Variants in KLHDC8A observed in about 807,000 individuals in gnomAD.
KLHDC8A encodes kelch domain-containing protein 8A.
A neutral mutation model predicts 33.1 loss-of-function variants in KLHDC8A; 21 were observed. The observed-to-expected ratio is 0.64, with a 90% CI of 0.45 to 0.91. The LOEUF is 0.91. Among genes scored for constraint, KLHDC8A ranks in the 40% least tolerant of loss-of-function variants. The pLI, the probability that KLHDC8A is intolerant of heterozygous loss-of-function variation, is 0.00. For synonymous variants in KLHDC8A, 173 were observed against 193.5 expected, an observed-to-expected ratio of 0.89 and a Z score of 0.88; for missense variants, 435 against 483.3, an observed-to-expected ratio of 0.90 and a Z score of 0.94.
At position 205,339,889 on chromosome 1, in the gene KLHDC8A, T is replaced by C; in HGVS notation, c.377-81A>G. ...GCCCACCAGCATCTATTGCCTCCCA[T>C]GGCCAGGCCAAGCTTTCAACCACTG... On this transcript the variant is annotated intron_variant, in intron 2 of 5. Coordinates refer to ENST00000367155, the MANE Select transcript of KLHDC8A (RefSeq NM_018203.3). This position sits in a 1 kb window ranked among gnomAD's most constrained non-coding sequence, Gnocchi z 5.1. 1.5e-6 allele frequency: 2 copies of C among 1,364,996 alleles called. No individual in the cohort carries two copies. The highest frequency in any genetic ancestry group is 2.0e-6 in the Non-Finnish European group (2 of 989,982). The allele number at this position is 1,364,996 out of a possible 1,614,324, so 84.6% of individuals were successfully genotyped here.
At chr1:205,352,846 G>A (rs991515458) in intron 1 of KLHDC8A, among the ~76,000 whole-genome samples, 7 of 152,188 alleles carry the variant, frequency 4.6e-5, no homozygotes, top group African/African-American at 1.4e-4. Flanking sequence ...GTAGCCTGTC[G>A]CCAGGAGAAT....
chr1:205,352,963 C>G (rs7516786), intron 1 of KLHDC8A, among the ~76,000 whole-genome samples: 4 of 152,206 alleles, frequency 2.6e-5, no homozygotes, highest in East Asian at 1.9e-4. Flanking sequence ...AGCTGCCCCC[C>G]ACGAGGAACC....
Position 205,349,497 on chromosome 1 carries a change from A to G in KLHDC8A, c.-189-5704T>C, listed in dbSNP as rs541895295. Among the ~76,000 whole-genome samples, 23 of 152,278 alleles carry G rather than the reference A, an allele frequency of 1.5e-4. No homozygotes were observed. The South Asian group carries it at 4.8e-3, about 32-fold the overall frequency. On this transcript the variant is annotated intron_variant, in intron 1 of 5. Coordinates refer to ENST00000367155, the MANE Select transcript of KLHDC8A (RefSeq NM_018203.3). ...TATGGGATGATGGGTAAAGGGAGGG[A>G]GTCATCTTCGTTTTCAGACTCAGGA...
intron 1 of KLHDC8A, among the ~76,000 whole-genome samples, chr1:205,348,941 C>T (rs1663019470): frequency 6.6e-6 from 1 of 152,192 alleles, no homozygotes; most frequent in Non-Finnish European, 1.5e-5. Flanking sequence ...TTTAGCTAAT[C>T]ACCTTCTCAT....
At chr1:205,342,273 G>A (rs1662812382) in intron 2 of KLHDC8A, among the ~76,000 whole-genome samples, 1 of 152,128 alleles carries the variant, frequency 6.6e-6, no homozygotes, top group Non-Finnish European at 1.5e-5. Context: ...CTGAGGCCTG[G>A]GATGAAGATG....
intron 2 of KLHDC8A, among the ~76,000 whole-genome samples, chr1:205,340,242 G>C (rs532134396): frequency 6.6e-6 from 1 of 151,044 alleles, no homozygotes. Context: ...CTCGAACTCC[G>C]GGGCTCAAGC....
chr1:205,338,393 G>A (rs1662692197), intron 5 of KLHDC8A, 102 bp downstream of exon 5: 1 of 857,964 alleles, frequency 1.2e-6, no homozygotes, highest in Non-Finnish European at 1.9e-6. Flanking sequence ...GTAGGCAGGT[G>A]GTCTGCAGGG....
Position 205,343,255 on chromosome 1 carries a change from G to A in KLHDC8A, c.350C>T (p.Ala117Val). The A allele has an allele frequency of 6.3e-7, 1 of 1,598,244 alleles. No homozygotes were observed. The highest frequency in any genetic ancestry group is 8.6e-7 in the Non-Finnish European group (1 of 1,168,628). Residue 117 changes from alanine to valine, a missense_variant, in exon 2 of 6, where the codon GCC (alanine) becomes GTC (valine). By Grantham distance (64) the Ala-to-Val change is moderately conservative. Transcript: ENST00000367155. ...TTTGGCCGTGACAGAAATGCCCATG[G>A]CGGCCTCACGCAGCATGCTCCTCTT... ...WKKRSMLREAAMGISVTAKDY... is the reference protein window; with the variant it reads ...WKKRSMLREAVMGISVTAKDY...
rs1327350598 is a variant in KLHDC8A at position 205,339,590 on chromosome 1, A to G, written c.541+54T>C. 2 of 1,586,388 alleles carry G rather than the reference A, an allele frequency of 1.3e-6. No homozygotes were observed. The highest frequency in any genetic ancestry group is 1.7e-6 in the Non-Finnish European group (2 of 1,158,824). ...GCACACAGGCACTGCTTCCTATGGG[A>G]ACTGAGCCAAGGGAAGGAAGGAGGG... On this transcript the variant is annotated intron_variant, in intron 3 of 5. Transcript: ENST00000367155. This position sits in a 1 kb window ranked among gnomAD's most constrained non-coding sequence, Gnocchi z 5.1.
rs756788331 is a variant in KLHDC8A at position 205,337,434 on chromosome 1, C to G, written c.1018G>C (p.Asp340His). 1 of 1,613,828 alleles carries G rather than the reference C, an allele frequency of 6.2e-7. No homozygotes were observed. Among genetic ancestry groups the G allele is most frequent in the South Asian group, 1.1e-5 (1 of 91,046 alleles). ...GAGACACACAGGGCCTCCACTGCGT[C>G]ACTCAGACCCTGGTTGACACCTCCC... ...AVGGVNQGLS[D>H]AVEALCVSDS Residue 340 changes from aspartate (D) to histidine (H), a missense_variant, in exon 6 of 6, where the codon GAC becomes CAC. Coordinates refer to ENST00000367155, the MANE Select transcript of KLHDC8A (RefSeq NM_018203.3).
At chr1:205,355,429 C>T (rs973857380) in intron 1 of KLHDC8A, among the ~76,000 whole-genome samples, 4 of 152,166 alleles carry the variant, frequency 2.6e-5, no homozygotes, top group African/African-American at 7.2e-5. Context: ...TCATTTTTCC[C>T]GTTTCTATAG....
In KLHDC8A at chr1:205,343,343, C is replaced by A; in HGVS notation, c.262G>T (p.Gly88Cys). 1 of 1,613,812 alleles carries A rather than the reference C, an allele frequency of 6.2e-7. No individual in the cohort carries two copies. The highest frequency in any genetic ancestry group is 8.5e-7 in the Non-Finnish European group (1 of 1,179,994). Reference sequence around the variant, plus strand: ...ACCTTCAGGGGCAGCTGATTGGTGCCCACGCCCCCAATCACCATGATCCGC... The same window carrying A: ...ACCTTCAGGGGCAGCTGATTGGTGCACACGCCCCCAATCACCATGATCCGC... ...GKRIMVIGGV[G>C]TNQLPLKVVE... The change falls in exon 2 of 6, where the codon GGC (glycine) becomes TGC (cysteine). Residue 88 changes from glycine (G) to cysteine (C), a missense_variant. Transcript: ENST00000367155.
Position 205,356,749 on chromosome 1 carries a change from GC to G in KLHDC8A, c.-407del. The G allele has an allele frequency of 8.1e-6, 3 of 369,024 alleles. No individual in the cohort carries two copies. Among genetic ancestry groups the G allele is most frequent in the South Asian group, 6.0e-5 (3 of 50,240 alleles). 22.9% of individuals were successfully genotyped at this position (369,024 alleles called of 1,614,324 possible). A position where few individuals can be genotyped will look rare whatever the true frequency, so the allele number is the denominator to read the frequency against. On this transcript the variant is annotated 5_prime_UTR_variant, in exon 1 of 6. Coordinates refer to ENST00000367155, the MANE Select transcript of KLHDC8A (RefSeq NM_018203.3). ...GGCTGATCGACTGGGATGCAGCCAG[GC>G]CCCTATGCACAGGGCATGGGGCCAG...
rs1159190589 is a variant in KLHDC8A, at chr1:205,339,520, G to T, written c.542-111C>A. 10 of 1,416,464 alleles carry T rather than the reference G, an allele frequency of 7.1e-6. No homozygotes were observed. In the East Asian group the frequency reaches 2.3e-4, roughly 33 times the overall value. The allele number at this position is 1,416,464 out of a possible 1,614,324, so 87.7% of individuals were successfully genotyped here. ...TACTCATTCATACAGGAAGCTCCCGGTGGGCTGGGCAGTGTGATTATCCCC... is the reference window on the plus strand; with the variant it reads ...TACTCATTCATACAGGAAGCTCCCGTTGGGCTGGGCAGTGTGATTATCCCC... On this transcript the variant is annotated intron_variant, in intron 3 of 5. Transcript: ENST00000367155. This position sits in a 1 kb window ranked among gnomAD's most constrained non-coding sequence, Gnocchi z 5.1.
intron 1 of KLHDC8A, among the ~76,000 whole-genome samples, chr1:205,349,663 A>C (rs1280547202): frequency 1.3e-5 from 2 of 152,214 alleles, no homozygotes; most frequent in African/African-American, 2.4e-5. Flanking sequence ...TGGGGCTTAC[A>C]ATAAAGCCTG....
At position 205,343,385 on chromosome 1, in the gene KLHDC8A, C is replaced by G. The variant is rs1237436388; in HGVS notation, c.220G>C (p.Val74Leu). The G allele has an allele frequency of 6.2e-7, 1 of 1,613,422 alleles. No homozygotes were observed. The highest frequency in any genetic ancestry group is 8.5e-7 in the Non-Finnish European group (1 of 1,179,846). Residue 74 changes from valine to leucine, a missense_variant, in exon 2 of 6, where the codon GTC becomes CTC. Transcript: ENST00000367155. ...ATGATCCGCTTCCCCAGGGCGGTGA[C>G]GGCCACCCCCGCCCGGGCTGTGGGC... is the stretch of plus-strand genomic sequence containing the variant. ...RLPTARAGVA[V>L]TALGKRIMVI...
chr1:205,349,408 T>C (rs1472753115), intron 1 of KLHDC8A, among the ~76,000 whole-genome samples: 1 of 152,208 alleles, frequency 6.6e-6, no homozygotes, highest in Non-Finnish European at 1.5e-5. Flanking sequence ...AATGCATCTG[T>C]TCATCTGTAA....
intron 1 of KLHDC8A, among the ~76,000 whole-genome samples, chr1:205,345,417 G>T (rs548834523): frequency 6.6e-6 from 1 of 152,118 alleles, no homozygotes; most frequent in Non-Finnish European, 1.5e-5. Context: ...ATCACAACCA[G>T]GGTTTTGAAA....
intron 2 of KLHDC8A, among the ~76,000 whole-genome samples, chr1:205,341,769 G>A (rs1224303100): frequency 1.3e-5 from 2 of 152,046 alleles, no homozygotes; most frequent in East Asian, 3.9e-4. Flanking sequence ...TCCTGCCTCA[G>A]CCTCCCGAGT....
Sources: gnomAD v4.1 joint callset for allele counts (sites outside exome capture counted in the v4.1 genomes callset) on GRCh38, gnomAD v4.1.1 for gene constraint, Gnocchi (gnomAD v3.1) non-coding constraint, MANE v1.5 for transcripts, NCBI Gene and HGNC (gene_info 2026-07-23, HGNC 2026-07-21) for gene names.